Variants in GPC5 observed in about 807,000 individuals in gnomAD.
The protein encoded by GPC5 is glypican 5.
Under a neutral mutation model 53.9 loss-of-function variants are expected in GPC5, and 47 were observed. The observed-to-expected ratio is 0.87, with a 90% CI of 0.69 to 1.11. The LOEUF (loss-of-function observed/expected upper bound fraction) is 1.11, where lower values mean the gene tolerates loss of function less well. Ranked by LOEUF, GPC5 falls within the 50% of genes most tolerant of loss-of-function variation. GPC5 has a pLI of 0.00. For synonymous variants in GPC5, 286 were observed against 263.3 expected (o/e 1.09, Z -0.84); for missense variants, 748 against 713.1 (o/e 1.05, Z -0.56).
intron 6 of GPC5, among the ~76,000 whole-genome samples, chr13:92,113,107 T>C (rs1011019656): frequency 6.6e-6 from 1 of 152,124 alleles, no homozygotes; most frequent in Non-Finnish European, 1.5e-5. Context: ...CCATTTCAAA[T>C]AATTTTACTT....
At chr13:91,473,209 A>G (rs1924456) in intron 2 of GPC5, among the ~76,000 whole-genome samples, 51,547 of 151,896 alleles carry the variant, frequency 0.34, 9,045 homozygotes, top group East Asian at 0.58. Flanking sequence ...ATCCTATCAC[A>G]TCCCTCCCTT....
chr13:91,464,727 C>A (rs1233378881), intron 2 of GPC5, among the ~76,000 whole-genome samples: 3 of 152,020 alleles, frequency 2.0e-5, no homozygotes, highest in South Asian at 2.1e-4. Flanking sequence ...TATGAGGGAG[C>A]TTTGTGGCAA....
At chr13:92,136,233 C>A (rs1166605328) in intron 6 of GPC5, among the ~76,000 whole-genome samples, 7 of 152,104 alleles carry the variant, frequency 4.6e-5, no homozygotes, top group Admixed American at 1.3e-4. Flanking sequence ...ATATTACGAG[C>A]TTTTGTTGCT....
chr13:92,715,663 AATTT>A (rs1407722992), intron 7 of GPC5, among the ~76,000 whole-genome samples: 3 of 152,178 alleles, frequency 2.0e-5, no homozygotes, highest in African/African-American at 7.2e-5. Context: ...AACTCTGGAG[AATTT>A]ATTTAACTCT....
intron 7 of GPC5, among the ~76,000 whole-genome samples, chr13:92,400,410 A>G (rs1292411507): frequency 2.6e-5 from 4 of 152,226 alleles, no homozygotes; most frequent in African/African-American, 7.2e-5. Context: ...TACTAACCCA[A>G]GAACATTGTA....
intron 6 of GPC5, among the ~76,000 whole-genome samples, chr13:91,929,690 T>C (rs1414756845): frequency 6.6e-6 from 1 of 152,152 alleles, no homozygotes; most frequent in Non-Finnish European, 1.5e-5. Flanking sequence ...GCCTAGAAGC[T>C]GTAACCACAA....
chr13:91,514,733 T>C (rs1356309208), intron 2 of GPC5, among the ~76,000 whole-genome samples: 2 of 152,308 alleles, frequency 1.3e-5, no homozygotes, highest in East Asian at 1.9e-4. Flanking sequence ...TTCTCATCTG[T>C]AAGCTCTGGC....
intron 7 of GPC5, among the ~76,000 whole-genome samples, chr13:92,385,782 TG>T (rs1874680844): frequency 1.7e-5 from 2 of 117,766 alleles, no homozygotes; most frequent in African/African-American, 7.3e-5. Flanking sequence ...TATACATATA[TG>T]TATATATATA....
chr13:91,781,206 C>T (rs956889787), intron 5 of GPC5, among the ~76,000 whole-genome samples: 1 of 152,094 alleles, frequency 6.6e-6, no homozygotes, highest in African/African-American at 2.4e-5. Flanking sequence ...GATCTGCCAC[C>T]GCCTCATATA....
intron 1 of GPC5, among the ~76,000 whole-genome samples, chr13:91,419,805 C>T (rs1316786147): frequency 6.6e-6 from 1 of 152,138 alleles, no homozygotes; most frequent in East Asian, 1.9e-4. Flanking sequence ...ATTGATCCTC[C>T]TGATGGCCAT....
chr13:91,922,653 C>T lies in GPC5; in HGVS notation c.1401+14596C>T, dbSNP rs562427054. 5.3e-5 allele frequency among the ~76,000 whole-genome samples: 8 copies of T among 152,270 alleles called. No individual in the cohort carries two copies. In the South Asian group the frequency reaches 1.5e-3, roughly 28 times the overall value. The stretch of plus-strand genomic sequence containing the variant: ...TCCTTGGCACTCTGTAACTAACTTA[C>T]AAGAGCACTTCTCTAGAGATAAAAA... On this transcript the variant is annotated intron_variant, in intron 6 of 7. Coordinates refer to ENST00000377067, the MANE Select transcript of GPC5 (RefSeq NM_004466.6).
chr13:91,452,291 T>C (rs1372505159), intron 2 of GPC5, among the ~76,000 whole-genome samples: 1 of 152,122 alleles, frequency 6.6e-6, no homozygotes, highest in Non-Finnish European at 1.5e-5. Context: ...GCCAAAAATC[T>C]GTTTTTAGAA....
intron 7 of GPC5, among the ~76,000 whole-genome samples, chr13:92,631,667 T>G (rs1438979945): frequency 2.6e-5 from 4 of 152,168 alleles, no homozygotes; most frequent in Admixed American, 6.5e-5. Context: ...AATAAAAATA[T>G]GGTTGAGTTT....
intron 7 of GPC5, among the ~76,000 whole-genome samples, chr13:92,809,627 T>C (rs1332817077): frequency 6.6e-6 from 1 of 152,186 alleles, no homozygotes; most frequent in African/African-American, 2.4e-5. Context: ...TTTGTAATTG[T>C]TTTCTTTGAA....
chr13:91,907,801 G>T, intron 5 of GPC5, 136 bp from the exon 6 acceptor site: 1 of 777,000 alleles, frequency 1.3e-6, no homozygotes, highest in Non-Finnish European at 2.0e-6. Context: ...AGCTGTGCCA[G>T]TTTCTGTTCC....
At chr13:91,519,215 C>T (rs1885671651) in intron 2 of GPC5, among the ~76,000 whole-genome samples, 1 of 152,066 alleles carries the variant, frequency 6.6e-6, no homozygotes, top group African/African-American at 2.4e-5. Flanking sequence ...GTACCTTATG[C>T]CTCTATTTAT....
intron 6 of GPC5, among the ~76,000 whole-genome samples, chr13:92,089,502 CGG>C (rs1279982168): frequency 1.3e-5 from 2 of 151,852 alleles, no homozygotes; most frequent in East Asian, 1.9e-4. Context: ...ATTTCCCACA[CGG>C]TTTTTTTACA....
intron 1 of GPC5, among the ~76,000 whole-genome samples, chr13:91,401,587 T>C (rs767732188): frequency 1.3e-5 from 2 of 152,214 alleles, no homozygotes; most frequent in Non-Finnish European, 2.9e-5. Flanking sequence ...TTTTTGGAAG[T>C]ACGTATTTTT....
At chr13:91,526,080 T>C (rs1886073796) in intron 2 of GPC5, among the ~76,000 whole-genome samples, 1 of 152,116 alleles carries the variant, frequency 6.6e-6, no homozygotes, top group Admixed American at 6.5e-5. Context: ...TCTCCCCAGG[T>C]AACATCAAAA....
Sources: allele counts gnomAD v4.1 joint callset (sites outside exome capture counted in the v4.1 genomes callset), GRCh38; gene constraint gnomAD v4.1.1; transcripts MANE v1.5; gene names NCBI Gene and HGNC (gene_info 2026-07-23, HGNC 2026-07-21).